Variants in REV3L observed in about 807,000 individuals in gnomAD.
REV3L encodes the protein DNA polymerase zeta catalytic subunit.
In REV3L, 69 loss-of-function variants were observed where a neutral mutation model predicts 299.4. The observed-to-expected ratio is 0.23, with a 90% CI of 0.19 to 0.28. The LOEUF is 0.28. REV3L is among the 10% of genes least tolerant of loss of function. The probability of loss-of-function intolerance (pLI) is 1.00; values close to 1 mark genes in which losing one functional copy is unlikely to be tolerated. For synonymous variants in REV3L, 1,238 were observed against 1,271.4 expected (o/e 0.97, Z 0.56); for missense variants, 3,128 against 3,693.8 (o/e 0.85, Z 3.97).
At chr6:111,303,165 C>CTTTCATTT in intron 31 of REV3L, among the ~76,000 whole-genome samples, 1 of 92,338 alleles carries the variant, frequency 1.1e-5, no homozygotes, top group Admixed American at 1.5e-4. Context: ...TCTTTTCTTT[C>CTTTCATTT]TTTTTTTTTT....
chr6:111,334,180 C>T (rs1488562896), intron 22 of REV3L, among the ~76,000 whole-genome samples: 1 of 152,168 alleles, frequency 6.6e-6, no homozygotes, highest in African/African-American at 2.4e-5. Flanking sequence ...CTCAAGTGAT[C>T]CCCTGCCTTG....
chr6:111,385,498 A>G lies in REV3L; in HGVS notation c.1096+2267T>C, dbSNP rs562424513. On this transcript the variant is annotated intron_variant, in intron 9 of 31. Transcript: ENST00000368802. Reference sequence around the variant, plus strand: ...CACGTAAGCCTTAAAATGAATACTTAAGAGAAAATTTTCATTACATCAGGG... The same window carrying G: ...CACGTAAGCCTTAAAATGAATACTTGAGAGAAAATTTTCATTACATCAGGG... 2.0e-5 allele frequency among the ~76,000 whole-genome samples: 3 copies of G among 152,332 alleles called. No homozygotes were observed. In the South Asian group the frequency reaches 6.2e-4, roughly 32 times the overall value.
At chr6:111,327,402 A>G (rs193159233) in intron 25 of REV3L, among the ~76,000 whole-genome samples, 3 of 152,216 alleles carry the variant, frequency 2.0e-5, no homozygotes, top group African/African-American at 7.2e-5. Context: ...AAAAAATAGA[A>G]AACTTAACTG....
intron 1 of REV3L, among the ~76,000 whole-genome samples, chr6:111,439,091 G>C (rs1212905677): frequency 6.6e-6 from 1 of 152,128 alleles, no homozygotes; most frequent in Non-Finnish European, 1.5e-5. Context: ...TTTGCTGTTT[G>C]ATTGTAATAC....
In REV3L at chr6:111,375,174, T is replaced by A. The variant is rs958935115; in HGVS notation, c.3181A>T (p.Lys1061Ter). The A allele has an allele frequency of 6.2e-7, 1 of 1,609,444 alleles. No individual in the cohort carries two copies. The highest frequency in any genetic ancestry group is 1.7e-5 in the Admixed American group (1 of 59,062). The change falls in exon 13 of 32, where the codon AAA becomes TAA. Residue 1061 changes from lysine (K) to a stop codon, truncating the protein, a stop_gained. Coordinates refer to ENST00000368802, the MANE Select transcript of REV3L (RefSeq NM_001372078.1). LOFTEE classifies it high-confidence loss of function. ...TTTTCATTATTTGTCCTTTGTTGTT[T>A]ACCAGTTTTTTTCTTAGCAGATTTA... ...KHKSAKKKTG[K>*]QQRTNNENIK...
At chr6:111,442,806 G>C (rs1241693185) in intron 1 of REV3L, among the ~76,000 whole-genome samples, 1 of 152,026 alleles carries the variant, frequency 6.6e-6, no homozygotes, top group Non-Finnish European at 1.5e-5. Context: ...CCCTGTATAT[G>C]GTTTGAGAGA....
intron 1 of REV3L, among the ~76,000 whole-genome samples, chr6:111,482,477 C>G (rs1583165445): frequency 6.6e-6 from 1 of 151,508 alleles, no homozygotes. Flanking sequence ...GTGCGGCTCC[C>G]GCTCCCGGCC....
intron 1 of REV3L, among the ~76,000 whole-genome samples, chr6:111,429,039 T>A (rs1478173054): frequency 1.3e-5 from 2 of 152,220 alleles, no homozygotes; most frequent in Non-Finnish European, 2.9e-5. Flanking sequence ...AACAGACATC[T>A]TAAGAGAAAC....
intron 1 of REV3L, among the ~76,000 whole-genome samples, chr6:111,448,964 G>C (rs1270660537): frequency 6.6e-6 from 1 of 151,914 alleles, no homozygotes; most frequent in Admixed American, 6.6e-5. Context: ...ACCACACCTG[G>C]CCAATTACAG....
intron 29 of REV3L, chr6:111,310,509 A>T (rs1434214209): frequency 1.3e-5 from 2 of 157,650 alleles, no homozygotes; most frequent in Non-Finnish European, 2.8e-5. Flanking sequence ...AGCCACCATA[A>T]TGGTGCACAC....
chr6:111,394,222 T>G (rs1037890576), intron 4 of REV3L, among the ~76,000 whole-genome samples: 2 of 152,216 alleles, frequency 1.3e-5, no homozygotes, highest in African/African-American at 4.8e-5. Context: ...CCATACTGTT[T>G]TGCATAATGG....
In REV3L at chr6:111,482,927, C is replaced by CCGGCAGCGGCAG. The variant is rs1554256765; in HGVS notation, c.-51_-40dup. On this transcript the variant is annotated 5_prime_UTR_variant, in exon 1 of 32. Transcript: ENST00000368802. ...GCCACTGCCTCCCTTCACTGGCGACCCGGCAGCGGCAGCAGCAGCGGCGGC... is the reference window on the plus strand; with the variant it reads ...GCCACTGCCTCCCTTCACTGGCGACCCGGCAGCGGCAGCGGCAGCGGCAGCAGCAGCGGCGGC... 2.7e-6 allele frequency: 4 copies of CCGGCAGCGGCAG among 1,488,374 alleles called. No homozygotes were observed. Among genetic ancestry groups the CCGGCAGCGGCAG allele is most frequent in the South Asian group, 2.7e-5 (2 of 73,004 alleles). The allele number at this position is 1,488,374 out of a possible 1,614,324, so 92.2% of individuals were successfully genotyped here. A position where few individuals can be genotyped will look rare whatever the true frequency, so the allele number is the denominator to read the frequency against.
chr6:111,371,290 C>G lies in REV3L; in HGVS notation c.5759+1306G>C, dbSNP rs141293281. ...AACTTGGTGATGAAAGTGGTATACA[C>G]CATAACTACTTAACTACTGATAAAT... On this transcript the variant is annotated intron_variant, in intron 13 of 31. Transcript: ENST00000368802. 9.2e-4 allele frequency among the ~76,000 whole-genome samples: 140 copies of G among 152,300 alleles called. 1 individual carries two copies. The highest frequency in any genetic ancestry group is 3.8e-4 in the Non-Finnish European group (26 of 68,024).
At position 111,329,510 on chromosome 6, in the gene REV3L, A is replaced by G. The variant is rs755684765; in HGVS notation, c.8241+22T>C. ...CTGTATTTTAGTCTCTTTTGAAAAA[A>G]CTACAGATTTGTATCACTTACCTCA... On this transcript the variant is annotated intron_variant, in intron 25 of 31. Coordinates refer to ENST00000368802, the MANE Select transcript of REV3L (RefSeq NM_001372078.1). 15 of 1,610,514 alleles carry G rather than the reference A, an allele frequency of 9.3e-6. No homozygotes were observed. The African/African-American group carries it at 1.5e-4, about 16-fold the overall frequency.
At chr6:111,461,700 T>C (rs188665040) in intron 1 of REV3L, among the ~76,000 whole-genome samples, 54 of 152,148 alleles carry the variant, frequency 3.5e-4, no homozygotes, top group African/African-American at 1.3e-3. Flanking sequence ...AAGCTATGTA[T>C]TATTATATCA....
intron 1 of REV3L, among the ~76,000 whole-genome samples, chr6:111,450,382 G>C (rs557184153): frequency 1.4e-5 from 2 of 147,850 alleles, no homozygotes; most frequent in Admixed American, 1.4e-4. Context: ...AGGAGGCTGA[G>C]ATGGGAGGAC....
At chr6:111,318,080 CTTTTTCT>C (rs1177912284) in intron 26 of REV3L, among the ~76,000 whole-genome samples, 115 of 151,034 alleles carry the variant, frequency 7.6e-4, no homozygotes, top group African/African-American at 2.4e-3. Flanking sequence ...ATAGGTTTTC[CTTTTTCT>C]TTTTTCTTTT....
chr6:111,397,064 A>G (rs2128263025), intron 4 of REV3L, among the ~76,000 whole-genome samples: 1 of 147,666 alleles, frequency 6.8e-6, no homozygotes, highest in South Asian at 2.1e-4. Flanking sequence ...TCAAAGCACC[A>G]GTTTTTCATT....
chr6:111,331,656 C>T lies in REV3L; in HGVS notation c.8034+20G>A, dbSNP rs369171012. The T allele has an allele frequency of 5.9e-6, 9 of 1,518,250 alleles. No individual in the cohort carries two copies. Among genetic ancestry groups the T allele is most frequent in the African/African-American group, 2.7e-5 (2 of 72,780 alleles). The allele number at this position is 1,518,250 out of a possible 1,614,324, so 94.0% of individuals were successfully genotyped here. On this transcript the variant is annotated intron_variant, in intron 24 of 31. Coordinates refer to ENST00000368802, the MANE Select transcript of REV3L (RefSeq NM_001372078.1). ...AAGTTAAGCCATAGTTGTTATCTTT[C>T]ATTTACAAGAGAGTATTACCTTGAC...
Sources: gnomAD v4.1 joint callset for allele counts (sites outside exome capture counted in the v4.1 genomes callset) on GRCh38, gnomAD v4.1.1 for gene constraint, MANE v1.5 for transcripts, NCBI Gene and HGNC (gene_info 2026-07-23, HGNC 2026-07-21) for gene names.